The following ATF3 variants were observed in gnomAD, a reference collection of about 807,000 sequenced individuals.
ATF3 encodes the protein cyclic AMP-dependent transcription factor ATF-3.
ATF3 carries 10 observed loss-of-function variants against 18.4 expected under a neutral mutation model. That is an observed-to-expected ratio of 0.54 (90% CI 0.34 to 0.92). The LOEUF (loss-of-function observed/expected upper bound fraction) is 0.92, where lower values mean the gene tolerates loss of function less well. Ranked by LOEUF, ATF3 falls within the 40% of genes least tolerant of loss-of-function variation. The pLI, the probability that ATF3 is intolerant of heterozygous loss-of-function variation, is 0.02. For synonymous variants in ATF3, 78 were observed against 87.9 expected, an observed-to-expected ratio of 0.89 and a Z score of 0.63; for missense variants, 183 against 222.3, an observed-to-expected ratio of 0.82 and a Z score of 1.12.
chr1:212,616,206 G>C (rs557447705), intron 2 of ATF3, among the ~76,000 whole-genome samples: 1 of 152,138 alleles, frequency 6.6e-6, no homozygotes, highest in Admixed American at 6.5e-5. Context: ...TATAGATGCA[G>C]CCCTGGGCTC....
chr1:212,577,247 G>A (rs1558225490), intron 1 of ATF3, among the ~76,000 whole-genome samples: 1 of 151,976 alleles, frequency 6.6e-6, no homozygotes, highest in Admixed American at 6.5e-5. Context: ...TTATTCCTTT[G>A]TAGGTAAATT....
chr1:212,567,667 G>A lies in ATF3; in HGVS notation c.-5+2184G>A, dbSNP rs560524716. ...ATTATTTATTTTTTATAATGCTACC[G>A]GTGTTAATAATTATAATAATAGTCT... is the stretch of plus-strand genomic sequence containing the variant. On this transcript the variant is annotated intron_variant, in intron 1 of 3. Coordinates refer to the ATF3 transcript ENST00000366981. Among the ~76,000 whole-genome samples, 137 of 152,238 alleles carry A rather than the reference G, an allele frequency of 9.0e-4. 4 individuals carry two copies. In the South Asian group the frequency reaches 0.023, roughly 26 times the overall value.
chr1:212,607,336 G>T (rs777979779), upstream of ATF3, among the ~76,000 whole-genome samples: 34 of 152,212 alleles, frequency 2.2e-4, no homozygotes, highest in Non-Finnish European at 4.0e-4. Flanking sequence ...CCCTGCGGCC[G>T]CGCAGGTCTC....
At chr1:212,590,842 T>C (rs1214038638) in intron 1 of ATF3, among the ~76,000 whole-genome samples, 1 of 152,212 alleles carries the variant, frequency 6.6e-6, no homozygotes, top group South Asian at 2.1e-4. Context: ...AGCAGGATAA[T>C]GTACTTTCAT....
In ATF3 at chr1:212,601,336, G is replaced by A. The variant is rs1431626716; in HGVS notation, c.-4-13682G>A. 3.3e-5 allele frequency among the ~76,000 whole-genome samples: 5 copies of A among 152,306 alleles called. No homozygotes were observed. The Middle Eastern group carries it at 0.01, about 311-fold the overall frequency. On this transcript the variant is annotated intron_variant, in intron 1 of 3. Transcript: ENST00000366981. The stretch of plus-strand genomic sequence containing the variant: ...AATTTATTAAGCATGTATCCTCTGG[G>A]ACATCAGGAGTAAGAATTTTCTGGT...
chr1:212,567,570 A>G (rs1299329387), intron 1 of ATF3, among the ~76,000 whole-genome samples: 1 of 152,188 alleles, frequency 6.6e-6, no homozygotes, highest in Non-Finnish European at 1.5e-5. Context: ...TTTTATAGGG[A>G]AAAAAATGTC....
chr1:212,587,850 A>G (rs554562139), intron 1 of ATF3, among the ~76,000 whole-genome samples: 28 of 152,220 alleles, frequency 1.8e-4, no homozygotes, highest in Admixed American at 1.1e-3. Flanking sequence ...AACAGCAGAC[A>G]AGAGATGTCA....
In ATF3 at chr1:212,598,193, CTAAA is replaced by C. The variant is rs577456002; in HGVS notation, c.-4-16822_-4-16819del. 8.5e-4 allele frequency among the ~76,000 whole-genome samples: 129 copies of C among 152,298 alleles called. 1 individual carries two copies. Among genetic ancestry groups the C allele is most frequent in the African/African-American group, 2.8e-3 (118 of 41,576 alleles). ...AGTTACCCACCCATACTTCCAACAACTAAATACTTTTAATATTTTATGGAAATTT... is the reference window on the plus strand; with the variant it reads ...AGTTACCCACCCATACTTCCAACAACTACTTTTAATATTTTATGGAAATTT... On this transcript the variant is annotated intron_variant, in intron 1 of 3. Transcript: ENST00000366981.
At chr1:212,578,184 C>A (rs998269398) in intron 1 of ATF3, among the ~76,000 whole-genome samples, 11 of 152,200 alleles carry the variant, frequency 7.2e-5, no homozygotes, top group Non-Finnish European at 1.5e-4. Flanking sequence ...AATTCAGCTG[C>A]AATTTATCTT....
chr1:212,596,977 T>A lies in ATF3; in HGVS notation c.-4-18041T>A, dbSNP rs1391043870. On this transcript the variant is annotated intron_variant, in intron 1 of 3. Coordinates refer to the ATF3 transcript ENST00000366981. ...TCCAGCTCTTGAACAATGCCAGGCATACAGTAGGCACTCAATACATACACG... is the reference window on the plus strand; with the variant it reads ...TCCAGCTCTTGAACAATGCCAGGCAAACAGTAGGCACTCAATACATACACG... 3.9e-5 allele frequency among the ~76,000 whole-genome samples: 6 copies of A among 152,242 alleles called. No individual in the cohort carries two copies. In the East Asian group the frequency reaches 1.2e-3, roughly 29 times the overall value.
At chr1:212,601,991 T>C (rs752773574) in intron 1 of ATF3, among the ~76,000 whole-genome samples, 8 of 152,176 alleles carry the variant, frequency 5.3e-5, no homozygotes, top group Non-Finnish European at 8.8e-5. Context: ...AGGCATACAA[T>C]GTATAATAAA....
chr1:212,582,602 G>A (rs546072360), intron 1 of ATF3, among the ~76,000 whole-genome samples: 2 of 152,260 alleles, frequency 1.3e-5, no homozygotes, highest in African/African-American at 2.4e-5. Flanking sequence ...TTGGGCTTCC[G>A]TCCCCTGCAC....
At chr1:212,574,975 C>T (rs1018834027) in intron 1 of ATF3, among the ~76,000 whole-genome samples, 1 of 152,000 alleles carries the variant, frequency 6.6e-6, no homozygotes, top group Non-Finnish European at 1.5e-5. Flanking sequence ...GGCCCATTCA[C>T]ATGAATTTTA....
intron 2 of ATF3, among the ~76,000 whole-genome samples, 200 bp downstream of exon 2, chr1:212,615,461 G>C (rs1655082096): frequency 6.6e-6 from 1 of 152,018 alleles, no homozygotes; most frequent in African/African-American, 2.4e-5. Context: ...GTGCAAAGGA[G>C]AAAAAAGCAG....
At chr1:212,604,662 C>G (rs1305524727), upstream of ATF3, among the ~76,000 whole-genome samples, 9 of 152,142 alleles carry the variant, frequency 5.9e-5, no homozygotes, top group Non-Finnish European at 1.3e-4. Flanking sequence ...CTTCTCTCTC[C>G]CCATCTCTCT....
At chr1:212,596,882 G>T (rs1307049525) in intron 1 of ATF3, among the ~76,000 whole-genome samples, 2 of 152,238 alleles carry the variant, frequency 1.3e-5, no homozygotes, top group African/African-American at 4.8e-5. Context: ...CTTAAGAGGA[G>T]AAATTAATGT....
chr1:212,574,666 A>G (rs1210752136), intron 1 of ATF3, among the ~76,000 whole-genome samples: 2 of 151,998 alleles, frequency 1.3e-5, no homozygotes, highest in Non-Finnish European at 2.9e-5. Flanking sequence ...TGCCTTTCAC[A>G]TCTGTGTCTT....
chr1:212,612,138 A>T (rs1654923414), intron 1 of ATF3, among the ~76,000 whole-genome samples: 1 of 152,210 alleles, frequency 6.6e-6, no homozygotes. Context: ...AAATCTCGAC[A>T]GATACATCTG....
intron 1 of ATF3, among the ~76,000 whole-genome samples, chr1:212,574,746 G>C (rs1242535286): frequency 6.6e-6 from 1 of 152,058 alleles, no homozygotes; most frequent in Non-Finnish European, 1.5e-5. Context: ...AGTTGTCCCA[G>C]TCTCATGAGT....
Sources: allele counts gnomAD v4.1 joint callset (sites outside exome capture counted in the v4.1 genomes callset), GRCh38; gene constraint gnomAD v4.1.1; transcripts MANE v1.5; gene names NCBI Gene and HGNC (gene_info 2026-07-23, HGNC 2026-07-21).